GRM7: variants seen among roughly 807,000 people sequenced by gnomAD.
GRM7 encodes the protein glutamate metabotropic receptor 7.
In GRM7, 35 loss-of-function variants were observed where a neutral mutation model predicts 84.5. That is an observed-to-expected ratio of 0.41 (90% CI 0.32 to 0.55). The LOEUF (loss-of-function observed/expected upper bound fraction) is 0.55, where lower values mean the gene tolerates loss of function less well. Among genes scored for constraint, GRM7 ranks in the 20% least tolerant of loss-of-function variants. The probability of loss-of-function intolerance (pLI) is 0.19; values close to 1 mark genes in which losing one functional copy is unlikely to be tolerated. For missense variants in GRM7, 1,003 were observed against 1,194.6 expected (o/e 0.84, Z 2.36); for synonymous variants, 487 against 455.1 (o/e 1.07, Z -0.89).
chr3:7,555,168 AC>A (rs1693698353), intron 7 of GRM7, among the ~76,000 whole-genome samples: 1 of 152,198 alleles, frequency 6.6e-6, no homozygotes, highest in South Asian at 2.1e-4. Context: ...AACTGGTACA[AC>A]CCTTAAGCAA....
intron 7 of GRM7, among the ~76,000 whole-genome samples, chr3:7,515,405 A>G (rs1221562894): frequency 2.0e-5 from 3 of 152,140 alleles, no homozygotes; most frequent in African/African-American, 7.2e-5. Context: ...CACTGCCCCG[A>G]GCTGACAATC....
At chr3:7,013,588 C>T (rs942606239) in intron 1 of GRM7, among the ~76,000 whole-genome samples, 1 of 152,086 alleles carries the variant, frequency 6.6e-6, no homozygotes, top group Admixed American at 6.6e-5. Flanking sequence ...CTATTTCTCC[C>T]TTTATCCTCT....
intron 8 of GRM7, among the ~76,000 whole-genome samples, chr3:7,608,763 G>C (rs147810603): frequency 6.6e-6 from 1 of 151,982 alleles, no homozygotes; most frequent in Non-Finnish European, 1.5e-5. Context: ...GATTGCTTTC[G>C]GAGTCTTTGT....
intron 1 of GRM7, among the ~76,000 whole-genome samples, chr3:7,109,417 T>C (rs1212630028): frequency 6.6e-6 from 1 of 152,180 alleles, no homozygotes; most frequent in African/African-American, 2.4e-5. Context: ...TTTGTGCTCC[T>C]CCCTCCACCC....
intron 4 of GRM7, among the ~76,000 whole-genome samples, chr3:7,332,720 A>T (rs1415351948): frequency 1.3e-5 from 2 of 152,174 alleles, no homozygotes; most frequent in Non-Finnish European, 1.5e-5. Context: ...CATACCAGGA[A>T]AACTGAAAGA....
intron 9 of GRM7, chr3:7,691,228 G>T: frequency 7.8e-7 from 1 of 1,277,990 alleles, no homozygotes; most frequent in Non-Finnish European, 1.0e-6. Context: ...GAGGACCTCA[G>T]CTTGCACAAA....
At chr3:6,923,905 C>T in intron 1 of GRM7, among the ~76,000 whole-genome samples, 1 of 152,166 alleles carries the variant, frequency 6.6e-6, no homozygotes, top group Non-Finnish European at 1.5e-5. Flanking sequence ...GACATGTTCA[C>T]ATTTTCATTT....
At chr3:6,889,443 C>A (rs201681671) in intron 1 of GRM7, among the ~76,000 whole-genome samples, 3 of 150,206 alleles carry the variant, frequency 2.0e-5, no homozygotes, top group Non-Finnish European at 1.5e-5. Flanking sequence ...TAGCATGAAG[C>A]GTTGTTGAAT....
intron 2 of GRM7, among the ~76,000 whole-genome samples, chr3:7,279,965 T>C (rs1239982279): frequency 6.6e-6 from 1 of 152,208 alleles, no homozygotes; most frequent in Non-Finnish European, 1.5e-5. Context: ...AACTTTGCCA[T>C]GTGTGCTGGG....
intron 8 of GRM7, among the ~76,000 whole-genome samples, chr3:7,658,521 AG>A (rs1699298138): frequency 6.6e-6 from 1 of 152,214 alleles, no homozygotes; most frequent in Non-Finnish European, 1.5e-5. Flanking sequence ...AAGAATTCCC[AG>A]GAGCAAGCAT....
At chr3:7,539,426 C>T (rs1227321301) in intron 7 of GRM7, among the ~76,000 whole-genome samples, 1 of 152,114 alleles carries the variant, frequency 6.6e-6, no homozygotes, top group African/African-American at 2.4e-5. Flanking sequence ...CCTGTAATCC[C>T]AGCACTTTGG....
chr3:7,252,012 G>T (rs115463996), intron 2 of GRM7, among the ~76,000 whole-genome samples: 1,895 of 152,168 alleles, frequency 0.012, 43 homozygotes, highest in African/African-American at 0.044. Context: ...GGGACATAGG[G>T]AATCCATTCT....
chr3:7,282,524 C>T (rs1399490477), intron 2 of GRM7, among the ~76,000 whole-genome samples: 1 of 152,186 alleles, frequency 6.6e-6, no homozygotes, highest in Admixed American at 6.5e-5. Context: ...AATACTCTCA[C>T]ATGTCAAAGT....
intron 9 of GRM7, among the ~76,000 whole-genome samples, chr3:7,721,466 C>CT (rs1271291089): frequency 6.6e-6 from 1 of 152,142 alleles, no homozygotes; most frequent in Admixed American, 6.5e-5. Context: ...TGGTTGTAGT[C>CT]TTTTTGACAG....
At chr3:6,989,767 A>G (rs1428105793) in intron 1 of GRM7, among the ~76,000 whole-genome samples, 1 of 152,232 alleles carries the variant, frequency 6.6e-6, no homozygotes, top group African/African-American at 2.4e-5. Flanking sequence ...GTCTTCACTG[A>G]TCACTCAGTA....
intron 5 of GRM7, among the ~76,000 whole-genome samples, chr3:7,440,076 A>G (rs779444312): frequency 6.6e-6 from 1 of 152,200 alleles, no homozygotes; most frequent in Non-Finnish European, 1.5e-5. Flanking sequence ...GTTAAACAAT[A>G]GAGAATTGGC....
At chr3:7,686,983 C>G (rs909424943) in intron 9 of GRM7, among the ~76,000 whole-genome samples, 4 of 152,112 alleles carry the variant, frequency 2.6e-5, no homozygotes, top group African/African-American at 9.7e-5. Context: ...TCAAAGTTGT[C>G]TTGGTTCCTT....
intron 1 of GRM7, among the ~76,000 whole-genome samples, chr3:7,131,542 G>A (rs184183374): frequency 1.3e-5 from 2 of 152,150 alleles, no homozygotes; most frequent in African/African-American, 2.4e-5. Context: ...TCAGTGGCAC[G>A]ATCTCGGCTC....
chr3:7,448,199 G>T (rs532342705), intron 5 of GRM7, among the ~76,000 whole-genome samples: 1 of 150,940 alleles, frequency 6.6e-6, no homozygotes, highest in South Asian at 2.1e-4. Context: ...GAATAATGCC[G>T]CAATAAACAT....
Sources: allele counts gnomAD v4.1 joint callset (sites outside exome capture counted in the v4.1 genomes callset), GRCh38; gene constraint gnomAD v4.1.1; transcripts MANE v1.5; gene names NCBI Gene and HGNC (gene_info 2026-07-23, HGNC 2026-07-21).